TET1: variants seen among roughly 807,000 people sequenced by gnomAD.
The protein encoded by TET1 is tet methylcytosine dioxygenase 1.
TET1 carries 13 observed loss-of-function variants against 148.7 expected under a neutral mutation model. The ratio of observed to expected loss-of-function variants is 0.09; its 90% confidence interval spans 0.06 to 0.14. The LOEUF (loss-of-function observed/expected upper bound fraction) is 0.14, where lower values mean the gene tolerates loss of function less well. TET1 is among the 10% of genes least tolerant of loss of function. The pLI is 1.00. For synonymous variants in TET1, 907 were observed against 937.2 expected (o/e 0.97, Z 0.59); for missense variants, 2,182 against 2,553.8 (o/e 0.85, Z 3.14).
chr10:68,587,107 G>T (rs538555491), intron 2 of TET1, among the ~76,000 whole-genome samples: 144 of 152,302 alleles, frequency 9.5e-4, no homozygotes, highest in Non-Finnish European at 1.7e-3. Context: ...TTATAGTTGT[G>T]GTTTCCAGCG....
intron 3 of TET1, among the ~76,000 whole-genome samples, chr10:68,632,115 A>G (rs987256269): frequency 1.3e-5 from 2 of 151,946 alleles, no homozygotes; most frequent in Non-Finnish European, 2.9e-5. Context: ...ACGATGTCAG[A>G]TCGAGACCAT....
intron 6 of TET1, among the ~76,000 whole-genome samples, chr10:68,657,366 C>T (rs773171479): frequency 4.6e-5 from 7 of 152,016 alleles, no homozygotes; most frequent in South Asian, 2.1e-4. Flanking sequence ...TTAGTAGAGA[C>T]GGGGTTTCGC....
At chr10:68,615,817 T>C (rs1295019998) in intron 3 of TET1, among the ~76,000 whole-genome samples, 1 of 151,768 alleles carries the variant, frequency 6.6e-6, no homozygotes, top group Non-Finnish European at 1.5e-5. Context: ...CCGGCTAATT[T>C]TGTATTTTTA....
At chr10:68,627,695 G>C (rs2054506471) in intron 3 of TET1, among the ~76,000 whole-genome samples, 1 of 151,748 alleles carries the variant, frequency 6.6e-6, no homozygotes, top group Non-Finnish European at 1.5e-5. Flanking sequence ...GGGAGGCCGA[G>C]ACGGCAAATC....
intron 3 of TET1, among the ~76,000 whole-genome samples, chr10:68,634,610 T>C (rs2054623197): frequency 6.6e-6 from 1 of 152,204 alleles, no homozygotes; most frequent in Admixed American, 6.5e-5. Context: ...TTCTTGATAC[T>C]GATCTGAATA....
chr10:68,640,925 G>A (rs2054743746), intron 3 of TET1, among the ~76,000 whole-genome samples: 1 of 151,312 alleles, frequency 6.6e-6, no homozygotes, highest in Non-Finnish European at 1.5e-5. Flanking sequence ...TGATTTTTAT[G>A]TAATGATATT....
rs1035853591 is a variant in TET1, at chr10:68,693,392, C to T, written c.*1578C>T. ...GGAAATGCCATAGGAAGCCCACAAC[C>T]GCTAACACTTACAATTTTGGTGCAA... On this transcript the variant is annotated 3_prime_UTR_variant, in exon 12 of 12. Transcript: ENST00000373644. 9.9e-5 allele frequency: 23 copies of T among 233,318 alleles called. No individual in the cohort carries two copies. The highest frequency in any genetic ancestry group is 2.6e-4 in the African/African-American group (12 of 45,418). 14.5% of individuals were successfully genotyped at this position (233,318 alleles called of 1,614,324 possible). A position where few individuals can be genotyped will look rare whatever the true frequency, so the allele number is the denominator to read the frequency against.
chr10:68,598,988 A>G (rs7918005), intron 2 of TET1, among the ~76,000 whole-genome samples: 33,234 of 152,044 alleles, frequency 0.22, 3,861 homozygotes, highest in African/African-American at 0.29. Flanking sequence ...TGCCCGGCCA[A>G]TAGTTTTTTT....
In TET1 at chr10:68,682,890, C is replaced by G; in HGVS notation, c.4969C>G (p.Pro1657Ala). 1 of 1,613,800 alleles carries G rather than the reference C, an allele frequency of 6.2e-7. No homozygotes were observed. Among genetic ancestry groups the G allele is most frequent in the Non-Finnish European group, 8.5e-7 (1 of 1,179,942 alleles). Residue 1657 changes from proline (P) to alanine (A), a missense_variant, in exon 10 of 12, where the codon CCC (proline) becomes GCC (alanine). Pro to Ala is a conservative substitution (Grantham distance 27, BLOSUM62 -1). Transcript: ENST00000373644. ...TCGGCTTGGCAGCAAGGAAGGTCGT[C>G]CCTTCTCTGGGGTCACTGCTTGCCT... ...ECRLGSKEGR[P>A]FSGVTACLDF...
chr10:68,656,352 T>C (rs2055021526), intron 6 of TET1, among the ~76,000 whole-genome samples: 1 of 152,140 alleles, frequency 6.6e-6, no homozygotes, highest in African/African-American at 2.4e-5. Flanking sequence ...AAGCTCCGCC[T>C]CCTGGGTTCA....
intron 1 of TET1, among the ~76,000 whole-genome samples, chr10:68,561,860 A>C (rs563930737): frequency 1.3e-5 from 2 of 152,086 alleles, no homozygotes; most frequent in African/African-American, 4.8e-5. Context: ...TCCACTAAAA[A>C]CTAAAGTGTT....
At chr10:68,642,057 T>C (rs1336439589) in intron 3 of TET1, among the ~76,000 whole-genome samples, 2 of 152,248 alleles carry the variant, frequency 1.3e-5, no homozygotes, top group Admixed American at 6.5e-5. Context: ...GTGTATACAC[T>C]GTGTAATTGG....
chr10:68,666,819 C>T (rs1039850962), intron 6 of TET1, among the ~76,000 whole-genome samples: 17 of 152,068 alleles, frequency 1.1e-4, no homozygotes, highest in Admixed American at 3.9e-4. Flanking sequence ...CATGGAGGCA[C>T]ATGTCTGTAA....
chr10:68,657,774 G>A (rs1002244706), intron 6 of TET1, among the ~76,000 whole-genome samples: 1 of 149,378 alleles, frequency 6.7e-6, no homozygotes, highest in Non-Finnish European at 1.5e-5. Context: ...TCCACCCCAC[G>A]CTTAAACTTT....
At chr10:68,637,460 G>A (rs2054670338) in intron 3 of TET1, among the ~76,000 whole-genome samples, 1 of 145,904 alleles carries the variant, frequency 6.9e-6, no homozygotes, top group Non-Finnish European at 1.5e-5. Flanking sequence ...TGCCTTAAAT[G>A]TTCATTTTAG....
intron 10 of TET1, among the ~76,000 whole-genome samples, chr10:68,683,648 G>A (rs537725053): frequency 3.1e-4 from 47 of 152,310 alleles, no homozygotes; most frequent in Non-Finnish European, 5.3e-4. Flanking sequence ...TCATGACCTC[G>A]TGATCCGCCC....
chr10:68,613,955 A>G (rs1011546449), intron 3 of TET1, among the ~76,000 whole-genome samples: 2 of 148,396 alleles, frequency 1.3e-5, no homozygotes, highest in African/African-American at 5.1e-5. Context: ...AAAAAAAAAA[A>G]TTGCTGTTTA....
At chr10:68,627,582 C>T (rs1173153399) in intron 3 of TET1, among the ~76,000 whole-genome samples, 8 of 151,702 alleles carry the variant, frequency 5.3e-5, no homozygotes, top group South Asian at 2.1e-4. Context: ...GGTGACAGAG[C>T]GAGACTCTGT....
At position 68,669,853 on chromosome 10, in the gene TET1, C is replaced by T. The variant is rs553347497; in HGVS notation, c.4673+2597C>T. On this transcript the variant is annotated intron_variant, in intron 7 of 11. Transcript: ENST00000373644. Reference sequence around the variant, plus strand: ...GTTGTTGTTGTATTTTTAGTAGAGACGAGGTTTCACTATGTTGGCCAGGCT... The same window carrying T: ...GTTGTTGTTGTATTTTTAGTAGAGATGAGGTTTCACTATGTTGGCCAGGCT... Among the ~76,000 whole-genome samples the T allele has an allele frequency of 5.9e-5, 9 of 151,822 alleles. No homozygotes were observed. In the South Asian group the frequency reaches 1.2e-3, roughly 21 times the overall value.
Sources: gnomAD v4.1 joint callset for allele counts (sites outside exome capture counted in the v4.1 genomes callset) on GRCh38, gnomAD v4.1.1 for gene constraint, MANE v1.5 for transcripts, NCBI Gene and HGNC (gene_info 2026-07-23, HGNC 2026-07-21) for gene names.